Variants in TSC22D2 observed in about 807,000 individuals in gnomAD.
The protein encoded by TSC22D2 is TSC22 domain family member 2, also known as TSC22 domain family protein 2.
A neutral mutation model predicts 50.1 loss-of-function variants in TSC22D2; 5 were observed. The ratio of observed to expected loss-of-function variants is 0.10; its 90% CI spans 0.05 to 0.21. The LOEUF (loss-of-function observed/expected upper bound fraction) is 0.21, where lower values mean the gene tolerates loss of function less well. Ranked by LOEUF, TSC22D2 falls within the 10% of genes least tolerant of loss-of-function variation. The probability of loss-of-function intolerance (pLI) is 1.00; values close to 1 mark genes in which losing one functional copy is unlikely to be tolerated. For synonymous variants in TSC22D2, 501 were observed against 450.1 expected (o/e 1.11, Z -1.43); for missense variants, 1,003 against 1,015.5 (o/e 0.99, Z 0.17).
chr3:150,412,731 A>G (rs546122356), intron 1 of TSC22D2, among the ~76,000 whole-genome samples: 3 of 152,180 alleles, frequency 2.0e-5, no homozygotes, highest in Non-Finnish European at 4.4e-5. Flanking sequence ...ACTACTAAGT[A>G]AACTGACTCC....
rs59588626 is a variant in TSC22D2, at chr3:150,462,639, CT to C, written c.*4018del. On this transcript the variant is annotated 3_prime_UTR_variant, in exon 3 of 3. Transcript: ENST00000688009. ...TGCCTATTTTCTTTTTTTCTTTTTT[CT>C]TTTTTTTTTTTTTTGAGACAGAGTC... 4.8e-4 allele frequency: 64 copies of C among 133,074 alleles called. No homozygotes were observed. Among genetic ancestry groups the C allele is most frequent in the Admixed American group, 5.5e-4 (7 of 12,776 alleles). 8.2% of individuals were successfully genotyped at this position (133,074 alleles called of 1,614,324 possible).
chr3:150,457,891 C>T (rs1205258328), intron 2 of TSC22D2, among the ~76,000 whole-genome samples: 1 of 152,202 alleles, frequency 6.6e-6, no homozygotes, highest in Admixed American at 6.5e-5. Flanking sequence ...ACGCCTCAGC[C>T]TCCCAAAGTG....
At chr3:150,427,814 C>T (rs1720241969) in intron 1 of TSC22D2, among the ~76,000 whole-genome samples, 1 of 151,832 alleles carries the variant, frequency 6.6e-6, no homozygotes, top group Non-Finnish European at 1.5e-5. Flanking sequence ...TTCTTCTTCT[C>T]TTCCTCTCCT....
chr3:150,409,655 C>T lies in TSC22D2; in HGVS notation c.305C>T (p.Ala102Val). The T allele has an allele frequency of 6.2e-7, 1 of 1,604,662 alleles. No individual in the cohort carries two copies. The highest frequency in any genetic ancestry group is 8.5e-7 in the Non-Finnish European group (1 of 1,175,576). Residue 102 changes from alanine (A) to valine (V), a missense_variant, in exon 1 of 3, where the codon GCC becomes GTC. Transcript: ENST00000688009. The surrounding 1 kb of genome is among the most constrained non-coding windows in gnomAD (Gnocchi z 7.4). ...GQLAAAAAAP[A>V]NGGGVVSARS... ...CTGGCAGCGGCGGCTGCTGCTCCCG[C>T]CAACGGAGGAGGAGTCGTTTCGGCC...
At chr3:150,411,580 C>T (rs1719572005) in intron 1 of TSC22D2, among the ~76,000 whole-genome samples, 1 of 152,148 alleles carries the variant, frequency 6.6e-6, no homozygotes. Flanking sequence ...TAATGCTTAC[C>T]ATTTAATGGT....
At chr3:150,419,516 G>A (rs1033069815) in intron 1 of TSC22D2, among the ~76,000 whole-genome samples, 18 of 152,108 alleles carry the variant, frequency 1.2e-4, no homozygotes, top group Admixed American at 1.2e-3. Flanking sequence ...CTCTGAAGTC[G>A]AATTTTGGCA....
At position 150,409,366 on chromosome 3, in the gene TSC22D2, G is replaced by C; in HGVS notation, c.16G>C (p.Ala6Pro). Residue 6 changes from alanine (A) to proline (P), a missense_variant, in exon 1 of 3, where the codon GCC (alanine) becomes CCC (proline). Physicochemically the swap from Ala to Pro is conservative, Grantham distance 27. This residue lies in a region of TSC22D2 where 17 missense variants were observed against 34.4 expected (regional missense o/e 0.49). Transcript: ENST00000688009. This position sits in a 1 kb window ranked among gnomAD's most constrained non-coding sequence, Gnocchi z 7.4. MSKMPAKKKSCFQITS... is the reference protein window; with the variant it reads MSKMPPKKKSCFQITS... ...CTTCTTCACCATGTCCAAGATGCCG[G>C]CCAAGAAGAAGAGCTGCTTCCAGAT... 6.3e-7 allele frequency: 1 copy of C among 1,599,814 alleles called. No individual in the cohort carries two copies.
intron 1 of TSC22D2, chr3:150,438,125 C>A: frequency 3.2e-6 from 1 of 308,972 alleles, no homozygotes; most frequent in South Asian, 2.7e-5. Context: ...CATGGTAAAA[C>A]ATAAAATTTT....
At position 150,461,492 on chromosome 3, in the gene TSC22D2, C is replaced by T. The variant is rs1447338973; in HGVS notation, c.*2856C>T. 3 of 152,044 alleles carry T rather than the reference C, an allele frequency of 2.0e-5. No individual in the cohort carries two copies. Among genetic ancestry groups the T allele is most frequent in the African/African-American group, 4.8e-5 (2 of 41,394 alleles). 9.4% of individuals were successfully genotyped at this position (152,044 alleles called of 1,614,324 possible). On this transcript the variant is annotated 3_prime_UTR_variant, in exon 3 of 3. Coordinates refer to ENST00000688009, the MANE Select transcript of TSC22D2 (RefSeq NM_001303264.2). ...ATAAGCTTTTCTGTTTTAATTTAGC[C>T]GGTAAATCATAAGTAGAAATTTTTC...
At position 150,411,306 on chromosome 3, in the gene TSC22D2, C is replaced by A; in HGVS notation, c.1956C>A (p.Asp652Glu). The change falls in exon 1 of 3, where the codon GAC becomes GAA. Residue 652 changes from aspartate (D) to glutamate (E), a missense_variant and splice_region_variant. Coordinates refer to ENST00000688009, the MANE Select transcript of TSC22D2 (RefSeq NM_001303264.2). The part of the protein sequence containing the change: ...SIAIPVDGDE[D>E]SASGGGVVAI... ...CTATTCCTGTTGATGGTGATGAAGA[C>A]AGGTATGGAAATCTCTATTTTAAAT... 1 of 1,602,810 alleles carries A rather than the reference C, an allele frequency of 6.2e-7. No individual in the cohort carries two copies. The highest frequency in any genetic ancestry group is 8.5e-7 in the Non-Finnish European group (1 of 1,173,010).
intron 1 of TSC22D2, among the ~76,000 whole-genome samples, chr3:150,444,359 G>A (rs941183965): frequency 4.6e-5 from 7 of 152,072 alleles, no homozygotes; most frequent in Admixed American, 3.9e-4. Context: ...TTTTCTTCAA[G>A]TAATATGTTT....
At chr3:150,443,297 C>T (rs1267363148) in intron 1 of TSC22D2, among the ~76,000 whole-genome samples, 1 of 152,150 alleles carries the variant, frequency 6.6e-6, no homozygotes, top group Non-Finnish European at 1.5e-5. Flanking sequence ...ATATAAGCAG[C>T]ACTAAAAAGT....
chr3:150,415,970 C>T (rs1350755525), intron 1 of TSC22D2, among the ~76,000 whole-genome samples: 1 of 152,066 alleles, frequency 6.6e-6, no homozygotes, highest in Non-Finnish European at 1.5e-5. Flanking sequence ...AGCAGCCCCA[C>T]CAATCAAGTA....
Position 150,410,935 on chromosome 3 carries a change from C to G in TSC22D2, c.1585C>G (p.Pro529Ala). Residue 529 changes from proline (P) to alanine (A), a missense_variant, in exon 1 of 3, where the codon CCA (proline) becomes GCA (alanine). Pro to Ala is a conservative substitution (Grantham distance 27). This residue lies in a region of TSC22D2 where 696 missense variants were observed against 647.8 expected (regional missense o/e 1.07). Transcript: ENST00000688009. ...TGTGTCTACCACTTCTGTTACTATGCCAAATGTACCCGCGCCTCTGGCCCA... is the reference window on the plus strand; with the variant it reads ...TGTGTCTACCACTTCTGTTACTATGGCAAATGTACCCGCGCCTCTGGCCCA... ...PSVSTTSVTM[P>A]NVPAPLAQSQ... 1 of 1,614,160 alleles carries G rather than the reference C, an allele frequency of 6.2e-7. No individual in the cohort carries two copies. The highest frequency in any genetic ancestry group is 1.1e-5 in the South Asian group (1 of 91,090).
In TSC22D2 at chr3:150,410,540, C is replaced by A; in HGVS notation, c.1190C>A (p.Ser397Ter). 6.4e-7 allele frequency: 1 copy of A among 1,561,864 alleles called. No homozygotes were observed. Among genetic ancestry groups the A allele is most frequent in the Non-Finnish European group, 8.7e-7 (1 of 1,155,096 alleles). ...CAGCCGCCAAGCCCCGCGCAGCCCT[C>A]GTCCACCGGCGCCGCAGCGAGCCCC... ...GLQPPSPAQP[S>*]STGAAASPAT... is the part of the protein sequence containing the mutation. The change falls in exon 1 of 3, where the codon TCG becomes TAG. Residue 397 changes from serine to a stop codon, truncating the protein, a stop_gained. Coordinates refer to ENST00000688009, the MANE Select transcript of TSC22D2 (RefSeq NM_001303264.2). LOFTEE classifies it high-confidence loss of function.
chr3:150,448,401 T>C (rs1397619858), intron 1 of TSC22D2, among the ~76,000 whole-genome samples: 1 of 152,082 alleles, frequency 6.6e-6, no homozygotes, highest in African/African-American at 2.4e-5. Flanking sequence ...GGAGGATTGC[T>C]TGAGCCCAGG....
intron 1 of TSC22D2, 135 bp downstream of exon 1, chr3:150,411,443 T>A: frequency 1.1e-6 from 1 of 913,436 alleles, no homozygotes; most frequent in Non-Finnish European, 1.6e-6. Flanking sequence ...TTGGTAAAAT[T>A]GATTTAGATT....
chr3:150,433,507 A>G (rs1720442987), intron 1 of TSC22D2, among the ~76,000 whole-genome samples: 1 of 152,228 alleles, frequency 6.6e-6, no homozygotes, highest in African/African-American at 2.4e-5. Context: ...TAAAGAAGGT[A>G]TATTTTCCCT....
Position 150,441,013 on chromosome 3 carries a change from G to A in TSC22D2, c.1959-16063G>A, listed in dbSNP as rs1045788115. Among the ~76,000 whole-genome samples the A allele has an allele frequency of 1.6e-4, 24 of 150,058 alleles. 1 individual carries two copies. The highest frequency in any genetic ancestry group is 3.0e-5 in the Non-Finnish European group (2 of 67,556). On this transcript the variant is annotated intron_variant, in intron 1 of 2. Transcript: ENST00000688009. ...ACAACGTGATAGGTCATCAGAATAT[G>A]AGAATTCTATCTAAAAGTCTTTTTA...
Sources: gnomAD v4.1 joint callset for allele counts (sites outside exome capture counted in the v4.1 genomes callset) on GRCh38, gnomAD v4.1.1 for gene constraint, gnomAD v4.1.1 regional missense constraint, Gnocchi (gnomAD v3.1) non-coding constraint, MANE v1.5 for transcripts, NCBI Gene and HGNC (gene_info 2026-07-23, HGNC 2026-07-21) for gene names.